TRIM5: variants seen among roughly 807,000 people sequenced by gnomAD.
TRIM5 encodes tripartite motif-containing protein 5.
In TRIM5, 31 loss-of-function variants were observed where a neutral mutation model predicts 35.6. The ratio of observed to expected loss-of-function variants is 0.87; its 90% CI spans 0.65 to 1.18. TRIM5 has a LOEUF of 1.18. Ranked by LOEUF, TRIM5 falls within the 50% of genes most tolerant of loss-of-function variation. TRIM5 has a pLI of 0.00. For synonymous variants in TRIM5, 243 were observed against 215.6 expected, an observed-to-expected ratio of 1.13 and a Z score of -1.11; for missense variants, 609 against 591.6, an observed-to-expected ratio of 1.03 and a Z score of -0.31.
intron 1 of TRIM5, among the ~76,000 whole-genome samples, chr11:5,682,815 C>T (rs779580472): frequency 1.3e-5 from 2 of 152,236 alleles, no homozygotes; most frequent in East Asian, 1.9e-4. Flanking sequence ...TCGCTCTTGG[C>T]GCCTCCTCTG....
At chr11:5,634,619 C>T in the TRIM5 span, 3 of 1,605,944 alleles carry the variant, frequency 1.9e-6, no homozygotes, top group African/African-American at 2.7e-5. Flanking sequence ...TCTCTCTTGT[C>T]CATCCTTGCA....
At chr11:5,650,529 A>C in the TRIM5 span, among the ~76,000 whole-genome samples, 2 of 152,276 alleles carry the variant, frequency 1.3e-5, no homozygotes, top group Non-Finnish European at 2.9e-5. Flanking sequence ...ATTGTAGATA[A>C]TTTTCCATGA....
intron 3 of TRIM5, 35 bp from the exon 4 acceptor site, chr11:5,678,469 T>C: frequency 6.8e-7 from 1 of 1,465,942 alleles, no homozygotes; most frequent in Non-Finnish European, 9.1e-7. Flanking sequence ...GGGCACTCAG[T>C]CTACCAGGCA....
chr11:5,665,506 G>T, intron 7 of TRIM5, 111 bp from the exon 8 acceptor site: 1 of 1,548,128 alleles, frequency 6.5e-7, no homozygotes, highest in Non-Finnish European at 8.7e-7. Flanking sequence ...TTGTTTAGAA[G>T]TTATAAGGAG....
At chr11:5,589,239 A>G in the TRIM5 span, 1 of 151,976 alleles carries the variant, frequency 6.6e-6, no homozygotes. Context: ...AGGAAAAATT[A>G]TGAAAGATTT....
At chr11:5,597,337 A>T in the TRIM5 span, among the ~76,000 whole-genome samples, 1 of 152,138 alleles carries the variant, frequency 6.6e-6, no homozygotes, top group African/African-American at 2.4e-5. Context: ...TTACTGGCAA[A>T]CTCCATGCCT....
the TRIM5 span, chr11:5,632,272 A>G: frequency 6.2e-7 from 1 of 1,609,652 alleles, no homozygotes; most frequent in Non-Finnish European, 8.5e-7. Context: ...GGGGTCTTTA[A>G]CCAGAAGAGA....
At chr11:5,614,502 T>C in the TRIM5 span, among the ~76,000 whole-genome samples, 1 of 152,268 alleles carries the variant, frequency 6.6e-6, no homozygotes, top group Non-Finnish European at 1.5e-5. Flanking sequence ...TATGCAATCA[T>C]GTACAATCAA....
intron 1 of TRIM5, among the ~76,000 whole-genome samples, chr11:5,681,273 G>A (rs529009640): frequency 6.6e-5 from 10 of 152,278 alleles, no homozygotes; most frequent in South Asian, 2.1e-4. Flanking sequence ...GCCCAATAAC[G>A]AGATGCAGAT....
At chr11:5,642,567 G>GT in the TRIM5 span, 2 of 1,570,078 alleles carry the variant, frequency 1.3e-6, no homozygotes, top group South Asian at 1.2e-5. Flanking sequence ...GTAATAAACT[G>GT]TCTAGGTGGG....
the TRIM5 span, among the ~76,000 whole-genome samples, chr11:5,654,033 T>C: frequency 6.6e-6 from 1 of 152,124 alleles, no homozygotes; most frequent in Non-Finnish European, 1.5e-5. Context: ...TGTCTCTTTG[T>C]TGAATTTCTC....
chr11:5,592,926 A>AT, the TRIM5 span, among the ~76,000 whole-genome samples: 1 of 132,422 alleles, frequency 7.6e-6, no homozygotes, highest in Non-Finnish European at 1.5e-5. Context: ...AAAAAAAAAA[A>AT]AAAAGAAAAA....
rs1220636363 is a variant in TRIM5 at position 5,665,377 on chromosome 11, GGA to G, written c.912_913del (p.Pro305LysfsTer10). 2 of 1,610,304 alleles carry G rather than the reference GGA, an allele frequency of 1.2e-6. No homozygotes were observed. Among genetic ancestry groups the G allele is most frequent in the African/African-American group, 2.7e-5 (2 of 74,784 alleles). On this transcript the variant is annotated frameshift_variant, in exon 8 of 8. Transcript: ENST00000380034. LOFTEE classifies it low-confidence loss of function (END_TRUNC). ...AATGACAGCACATGAAATGTTGTTT[GGA>G]GCCACTGTCACATCAACTGTAGAAA... is the stretch of plus-strand genomic sequence containing the variant.
chr11:5,632,670 A>G, the TRIM5 span: 1 of 1,612,590 alleles, frequency 6.2e-7, no homozygotes, highest in Admixed American at 1.7e-5. Flanking sequence ...AGGATAGGAA[A>G]GTCATTTGCT....
chr11:5,672,611 A>G (rs1851660719), intron 4 of TRIM5, among the ~76,000 whole-genome samples: 1 of 152,230 alleles, frequency 6.6e-6, no homozygotes, highest in African/African-American at 2.4e-5. Flanking sequence ...AAACCTAAAC[A>G]AAATGGAAAT....
In TRIM5 at chr11:5,682,321, T is replaced by G. The variant is rs538101221; in HGVS notation, c.-61-2083A>C. ...GGGTATTCTTTCCACATGCTTCTCC[T>G]GCTCTTCGTATCTCACCTAAGCTCT... On this transcript the variant is annotated intron_variant, in intron 1 of 7. Transcript: ENST00000380034. 3.9e-5 allele frequency among the ~76,000 whole-genome samples: 6 copies of G among 152,202 alleles called. No homozygotes were observed. The South Asian group carries it at 1.2e-3, about 32-fold the overall frequency.
the TRIM5 span, chr11:5,641,325 C>G: frequency 6.5e-7 from 1 of 1,540,362 alleles, no homozygotes; most frequent in East Asian, 2.4e-5. Context: ...TCTTAAATTG[C>G]TGGTCCCCGA....
chr11:5,654,755 T>A, the TRIM5 span, among the ~76,000 whole-genome samples: 1 of 152,148 alleles, frequency 6.6e-6, no homozygotes. Context: ...AGTATCCAGA[T>A]AAACTACAGG....
rs1850959562 is a variant in TRIM5 at position 5,664,216 on chromosome 11, A to G, written c.*593T>C. The G allele has an allele frequency of 1.0e-6, 1 of 974,896 alleles. No homozygotes were observed. The highest frequency in any genetic ancestry group is 4.7e-5 in the South Asian group (1 of 21,124). The allele number at this position is 974,896 out of a possible 1,614,324, so 60.4% of individuals were successfully genotyped here. On this transcript the variant is annotated 3_prime_UTR_variant, in exon 8 of 8. Transcript: ENST00000380034. Reference sequence around the variant, plus strand: ...AACTTCATCTCAAAAAAAAAAAAAAAGAAAAAAGAAAAGAAAAGGAAATAA... The same window carrying G: ...AACTTCATCTCAAAAAAAAAAAAAAGGAAAAAAGAAAAGAAAAGGAAATAA...
Sources: allele counts gnomAD v4.1 joint callset (sites outside exome capture counted in the v4.1 genomes callset), GRCh38; gene constraint gnomAD v4.1.1; transcripts MANE v1.5; gene names NCBI Gene and HGNC (gene_info 2026-07-23, HGNC 2026-07-21).